GBE1: variants seen among roughly 807,000 people sequenced by gnomAD.
The protein encoded by GBE1 is 1,4-alpha-glucan-branching enzyme.
A neutral mutation model predicts 88.8 loss-of-function variants in GBE1; 70 were observed. The ratio of observed to expected loss-of-function variants is 0.79; its 90% confidence interval spans 0.65 to 0.96. GBE1 has a LOEUF of 0.96. Ranked by LOEUF, GBE1 falls within the 40% of genes least tolerant of loss-of-function variation. The probability of loss-of-function intolerance (pLI) is 0.00; values close to 1 mark genes in which losing one functional copy is unlikely to be tolerated. For missense variants in GBE1, 872 were observed against 871.0 expected, an observed-to-expected ratio of 1.00 and a Z score of -0.01; for synonymous variants, 284 against 300.1, an observed-to-expected ratio of 0.95 and a Z score of 0.56.
chr3:81,756,990 T>C (rs1706612520), intron 1 of GBE1, among the ~76,000 whole-genome samples: 1 of 152,234 alleles, frequency 6.6e-6, no homozygotes, highest in South Asian at 2.1e-4. Context: ...TCTGTCACTC[T>C]TCTGATAAAG....
intron 3 of GBE1, among the ~76,000 whole-genome samples, chr3:81,666,587 C>T (rs900310884): frequency 4.6e-5 from 7 of 151,972 alleles, no homozygotes; most frequent in Non-Finnish European, 8.8e-5. Context: ...AAAGGAAAAT[C>T]TATTCCAGAG....
At chr3:81,699,556 A>G (rs564054955) in intron 2 of GBE1, among the ~76,000 whole-genome samples, 319 of 152,282 alleles carry the variant, frequency 2.1e-3, no homozygotes, top group Non-Finnish European at 3.4e-3. Flanking sequence ...CTGCAAGCTG[A>G]GGAGCAAGGA....
intron 2 of GBE1, among the ~76,000 whole-genome samples, chr3:81,685,101 T>TA (rs1186468938): frequency 6.6e-6 from 1 of 152,094 alleles, no homozygotes; most frequent in Admixed American, 6.5e-5. Context: ...AAGAAAATAA[T>TA]AAAAATCATG....
At chr3:81,583,865 A>T (rs1051719604) in intron 10 of GBE1, among the ~76,000 whole-genome samples, 1 of 152,074 alleles carries the variant, frequency 6.6e-6, no homozygotes, top group African/African-American at 2.4e-5. Context: ...TGGTTAAAAG[A>T]TTGTTCTATA....
At chr3:81,695,713 A>G (rs1414456561) in intron 2 of GBE1, among the ~76,000 whole-genome samples, 1 of 152,220 alleles carries the variant, frequency 6.6e-6, no homozygotes, top group African/African-American at 2.4e-5. Context: ...ACAAAAAGCG[A>G]GAGTATTAAC....
intron 2 of GBE1, among the ~76,000 whole-genome samples, chr3:81,672,289 A>G (rs1705199957): frequency 6.6e-6 from 1 of 152,028 alleles, no homozygotes; most frequent in Non-Finnish European, 1.5e-5. Flanking sequence ...AAATTCTCCT[A>G]AATGTACACA....
intron 3 of GBE1, among the ~76,000 whole-genome samples, chr3:81,652,641 G>C (rs1440782913): frequency 6.6e-6 from 1 of 152,110 alleles, no homozygotes; most frequent in Non-Finnish European, 1.5e-5. Context: ...TAGGCCCCTG[G>C]ATTTTGCAAG....
At chr3:81,595,516 AAAG>A (rs1328052564) in intron 7 of GBE1, among the ~76,000 whole-genome samples, 2 of 151,990 alleles carry the variant, frequency 1.3e-5, no homozygotes, top group African/African-American at 4.8e-5. Flanking sequence ...AGAATTTCAG[AAAG>A]AAGACTTGAA....
At chr3:81,744,772 A>T (rs1706399557) in intron 1 of GBE1, among the ~76,000 whole-genome samples, 1 of 152,176 alleles carries the variant, frequency 6.6e-6, no homozygotes. Context: ...CACTGTAACC[A>T]AAGCTGTATA....
chr3:81,680,716 A>G (rs1335912365), intron 2 of GBE1, among the ~76,000 whole-genome samples: 1 of 152,108 alleles, frequency 6.6e-6, no homozygotes, highest in African/African-American at 2.4e-5. Context: ...ATATTTGGAG[A>G]TAGGGACTTT....
At chr3:81,692,523 C>A (rs1705536497) in intron 2 of GBE1, among the ~76,000 whole-genome samples, 1 of 152,162 alleles carries the variant, frequency 6.6e-6, no homozygotes, top group Non-Finnish European at 1.5e-5. Flanking sequence ...GCAGAGCCCC[C>A]TTTTGCTCTC....
intron 8 of GBE1, among the ~76,000 whole-genome samples, chr3:81,592,754 T>A (rs1703896337): frequency 6.6e-6 from 1 of 152,166 alleles, no homozygotes; most frequent in African/African-American, 2.4e-5. Flanking sequence ...GGTGAGGTAG[T>A]TTCTGCAGGG....
intron 3 of GBE1, among the ~76,000 whole-genome samples, chr3:81,666,819 T>G (rs1705119570): frequency 6.6e-6 from 1 of 152,214 alleles, no homozygotes; most frequent in South Asian, 2.1e-4. Flanking sequence ...TATGTGTTTA[T>G]TTTAGCCTTA....
At chr3:81,696,956 G>A (rs886190470) in intron 2 of GBE1, among the ~76,000 whole-genome samples, 2 of 151,912 alleles carry the variant, frequency 1.3e-5, no homozygotes, top group Non-Finnish European at 2.9e-5. Context: ...GTGACCAAAG[G>A]TATGGGAACT....
intron 2 of GBE1, among the ~76,000 whole-genome samples, chr3:81,682,677 CT>C (rs1328940172): frequency 1.3e-5 from 2 of 152,066 alleles, no homozygotes; most frequent in Non-Finnish European, 2.9e-5. Context: ...AGTGCAGCCC[CT>C]TTGAAAACTC....
chr3:81,503,446 G>A lies in GBE1; in HGVS notation c.1935-4219C>T, dbSNP rs142961536. Among the ~76,000 whole-genome samples, 492 of 152,194 alleles carry A rather than the reference G, an allele frequency of 3.2e-3. 7 individuals carry two copies. Among genetic ancestry groups the A allele is most frequent in the African/African-American group, 0.011 (440 of 41,520 alleles). On this transcript the variant is annotated intron_variant, in intron 14 of 15. Coordinates refer to ENST00000429644, the MANE Select transcript of GBE1 (RefSeq NM_000158.4). Reference sequence around the variant, plus strand: ...ATCACAATAAAAAAAAAATTAACCCGGAGGTTGTAAACAGTATAAAACAGA... The same window carrying A: ...ATCACAATAAAAAAAAAATTAACCCAGAGGTTGTAAACAGTATAAAACAGA...
intron 1 of GBE1, among the ~76,000 whole-genome samples, chr3:81,730,269 C>T (rs527294923): frequency 2.0e-5 from 3 of 152,118 alleles, no homozygotes; most frequent in Non-Finnish European, 4.4e-5. Context: ...TAGGAAACAG[C>T]TTGACGGGTT....
intron 14 of GBE1, among the ~76,000 whole-genome samples, chr3:81,524,545 T>C (rs896665415): frequency 2.6e-5 from 4 of 151,768 alleles, no homozygotes; most frequent in African/African-American, 9.7e-5. Flanking sequence ...AAACTATGTC[T>C]AAGATTTCAG....
chr3:81,632,456 A>C (rs948518478), intron 7 of GBE1, among the ~76,000 whole-genome samples: 1 of 152,224 alleles, frequency 6.6e-6, no homozygotes, highest in African/African-American at 2.4e-5. Context: ...GATGAAAAAA[A>C]AGCTCATCAT....
Sources: allele counts gnomAD v4.1 joint callset (sites outside exome capture counted in the v4.1 genomes callset), GRCh38; gene constraint gnomAD v4.1.1; transcripts MANE v1.5; gene names NCBI Gene and HGNC (gene_info 2026-07-23, HGNC 2026-07-21).